NLGN1: variants seen among roughly 807,000 people sequenced by gnomAD.
The protein encoded by NLGN1 is neuroligin-1.
Under a neutral mutation model 65.5 loss-of-function variants are expected in NLGN1, and 12 were observed. The observed-to-expected ratio is 0.18, with a 90% CI of 0.12 to 0.30. The LOEUF (loss-of-function observed/expected upper bound fraction) is 0.30. NLGN1 is among the 10% of genes least tolerant of loss of function. NLGN1 has a pLI of 1.00. For synonymous variants in NLGN1, 350 were observed against 359.5 expected (o/e 0.97, Z 0.30); for missense variants, 750 against 1,007.1 (o/e 0.74, Z 3.46).
chr3:173,674,566 C>T (rs1362441207), intron 3 of NLGN1, among the ~76,000 whole-genome samples: 1 of 152,006 alleles, frequency 6.6e-6, no homozygotes, highest in Non-Finnish European at 1.5e-5. Context: ...TTTAAAGTTA[C>T]AGGAACATTT....
At chr3:174,052,854 G>A (rs758725640) in intron 4 of NLGN1, among the ~76,000 whole-genome samples, 1 of 152,080 alleles carries the variant, frequency 6.6e-6, no homozygotes, top group East Asian at 1.9e-4. Context: ...GGCTTAATCA[G>A]TGGATATTAT....
At chr3:173,850,573 C>T (rs1333703171) in intron 4 of NLGN1, among the ~76,000 whole-genome samples, 1 of 152,240 alleles carries the variant, frequency 6.6e-6, no homozygotes, top group East Asian at 1.9e-4. Flanking sequence ...GAGAGACATT[C>T]ATTCCAAGTG....
chr3:173,485,179 T>C (rs9874524), intron 2 of NLGN1, among the ~76,000 whole-genome samples: 26,706 of 149,600 alleles, frequency 0.18, 2,581 homozygotes, highest in Middle Eastern at 0.28. Flanking sequence ...TATCAGATCT[T>C]GTGAGACCCA....
chr3:174,076,679 T>TAGAG (rs3979619), intron 4 of NLGN1, among the ~76,000 whole-genome samples: 2,041 of 92,776 alleles, frequency 0.022, 27 homozygotes, highest in Admixed American at 0.034. Context: ...TCTGGGACCA[T>TAGAG]AGAGAGAGAG....
intron 4 of NLGN1, among the ~76,000 whole-genome samples, chr3:173,869,481 A>G (rs890130423): frequency 1.3e-5 from 2 of 152,144 alleles, no homozygotes; most frequent in Non-Finnish European, 1.5e-5. Context: ...GGCATCAGAA[A>G]CTAGTAGTCT....
intron 3 of NLGN1, among the ~76,000 whole-genome samples, chr3:173,746,287 A>G (rs1775357723): frequency 6.6e-6 from 1 of 152,110 alleles, no homozygotes; most frequent in Non-Finnish European, 1.5e-5. Flanking sequence ...AAGCAAAAAA[A>G]AGTTAAAAAA....
At chr3:173,932,828 T>A (rs544107683) in intron 4 of NLGN1, among the ~76,000 whole-genome samples, 35 of 152,158 alleles carry the variant, frequency 2.3e-4, no homozygotes, top group African/African-American at 8.2e-4. Flanking sequence ...ATATGAAGAG[T>A]CAGTTAGATG....
At chr3:174,113,557 T>C (rs1463057242) in intron 4 of NLGN1, among the ~76,000 whole-genome samples, 1 of 152,046 alleles carries the variant, frequency 6.6e-6, no homozygotes, top group African/African-American at 2.4e-5. Context: ...TAAAATGAAT[T>C]TCAATTCCCT....
At chr3:173,460,651 T>C (rs1378444542) in intron 2 of NLGN1, among the ~76,000 whole-genome samples, 9 of 152,164 alleles carry the variant, frequency 5.9e-5, no homozygotes, top group Non-Finnish European at 1.2e-4. Context: ...TTTGCAGTTA[T>C]ATTGTTGGCC....
intron 4 of NLGN1, among the ~76,000 whole-genome samples, chr3:173,982,084 A>G (rs1399743945): frequency 6.6e-6 from 1 of 152,138 alleles, no homozygotes; most frequent in African/African-American, 2.4e-5. Context: ...GGAAACTAAG[A>G]TGTCGCAGCA....
chr3:174,278,662 A>G (rs1353501538), intron 5 of NLGN1, among the ~76,000 whole-genome samples, 199 bp from the exon 6 acceptor site: 1 of 151,922 alleles, frequency 6.6e-6, no homozygotes, highest in African/African-American at 2.4e-5. Context: ...CACTCAAAGC[A>G]CAAGACTTAG....
intron 4 of NLGN1, among the ~76,000 whole-genome samples, chr3:173,970,094 T>A (rs1560747626): frequency 6.6e-6 from 1 of 152,164 alleles, no homozygotes; most frequent in Non-Finnish European, 1.5e-5. Flanking sequence ...ACTTCTTTCA[T>A]ATATTTTAAC....
At chr3:173,585,278 T>C (rs1401785320) in intron 2 of NLGN1, among the ~76,000 whole-genome samples, 3 of 152,032 alleles carry the variant, frequency 2.0e-5, no homozygotes, top group East Asian at 1.9e-4. Context: ...AATCTCTCAG[T>C]TGGGAGACGC....
chr3:174,209,071 G>A (rs1735956562), intron 4 of NLGN1, among the ~76,000 whole-genome samples: 1 of 151,878 alleles, frequency 6.6e-6, no homozygotes, highest in African/African-American at 2.4e-5. Flanking sequence ...ATAGGAACAT[G>A]CCACCAGGCC....
At chr3:173,959,645 G>C (rs1405048014) in intron 4 of NLGN1, among the ~76,000 whole-genome samples, 1 of 152,106 alleles carries the variant, frequency 6.6e-6, no homozygotes, top group African/African-American at 2.4e-5. Flanking sequence ...GGTCAACTTT[G>C]CAATAGATTC....
intron 4 of NLGN1, among the ~76,000 whole-genome samples, chr3:174,044,197 G>A (rs914391934): frequency 6.6e-6 from 1 of 152,094 alleles, no homozygotes; most frequent in Non-Finnish European, 1.5e-5. Flanking sequence ...TTTCCTCCTT[G>A]GTCTCTGGGC....
At chr3:173,847,917 A>G (rs1560486566) in intron 4 of NLGN1, among the ~76,000 whole-genome samples, 1 of 152,344 alleles carries the variant, frequency 6.6e-6, no homozygotes, top group East Asian at 1.9e-4. Context: ...AGAATGTACT[A>G]TATTTTGAAA....
intron 3 of NLGN1, among the ~76,000 whole-genome samples, chr3:173,791,986 A>T (rs1376827533): frequency 1.3e-5 from 2 of 152,154 alleles, no homozygotes; most frequent in Non-Finnish European, 2.9e-5. Flanking sequence ...GTATATGCTT[A>T]ACATTTATTG....
intron 4 of NLGN1, among the ~76,000 whole-genome samples, chr3:173,822,907 T>C (rs931026739): frequency 4.6e-5 from 7 of 152,088 alleles, no homozygotes; most frequent in Admixed American, 1.3e-4. Flanking sequence ...TGTACAATGC[T>C]TCTGTTACAG....
Sources: gnomAD v4.1 joint callset for allele counts (sites outside exome capture counted in the v4.1 genomes callset) on GRCh38, gnomAD v4.1.1 for gene constraint, MANE v1.5 for transcripts, NCBI Gene and HGNC (gene_info 2026-07-23, HGNC 2026-07-21) for gene names.